Variants in ZNF517 observed in about 807,000 individuals in gnomAD.
The protein encoded by ZNF517 is zinc finger protein 517.
Under a neutral mutation model 12.1 loss-of-function variants are expected in ZNF517, and 12 were observed. That is an observed-to-expected ratio of 0.99 (90% CI 0.63 to 1.61). The LOEUF (loss-of-function observed/expected upper bound fraction) is 1.61, where lower values mean the gene tolerates loss of function less well. Ranked by LOEUF, ZNF517 falls within the 40% of genes most tolerant of loss-of-function variation. The pLI, the probability that ZNF517 is intolerant of heterozygous loss-of-function variation, is 0.00. For missense variants in ZNF517, 781 were observed against 693.2 expected (o/e 1.13, Z -1.42); for synonymous variants, 388 against 310.2 (o/e 1.25, Z -2.63).
At chr8:144,800,471 G>A (rs1235738279) in intron 1 of ZNF517, 2 of 984,430 alleles carry the variant, frequency 2.0e-6, no homozygotes, top group African/African-American at 3.5e-5. Context: ...GTCCTGGGTT[G>A]CAGTTCTTAC....
chr8:144,803,796 C>T (rs544678460), intron 3 of ZNF517, 29 bp downstream of exon 3: 3 of 1,607,018 alleles, frequency 1.9e-6, no homozygotes, highest in South Asian at 2.2e-5. Context: ...GGTCCTGGGG[C>T]CGGGAGGTGC....
At position 144,803,625 on chromosome 8, in the gene ZNF517, G is replaced by C. The variant is rs1348994582; in HGVS notation, c.34-16G>C. ...CGAGCCCTTGACTGCCTGGATAGCA[G>C]AGTATGTGGTTGCAGGAGGCGGTTG... On this transcript the variant is annotated splice_polypyrimidine_tract_variant and intron_variant, in intron 2 of 4. Transcript: ENST00000359971. 1 of 1,613,874 alleles carries C rather than the reference G, an allele frequency of 6.2e-7. No homozygotes were observed. Among genetic ancestry groups the C allele is most frequent in the Middle Eastern group, 1.6e-4 (1 of 6,062 alleles).
Position 144,807,926 on chromosome 8 carries a change from G to T in ZNF517, c.1010G>T (p.Arg337Leu). 6.6e-7 allele frequency: 1 copy of T among 1,512,892 alleles called. No individual in the cohort carries two copies. The allele number at this position is 1,512,892 out of a possible 1,614,324, so 93.7% of individuals were successfully genotyped here. A position where few individuals can be genotyped will look rare whatever the true frequency, so the allele number is the denominator to read the frequency against. Residue 337 changes from arginine to leucine, a missense_variant, in exon 5 of 5, where the codon CGG becomes CTG. Physicochemically the swap from Arg to Leu is moderately radical, Grantham distance 102 (BLOSUM62 -2). Coordinates refer to ENST00000359971, the MANE Select transcript of ZNF517 (RefSeq NM_213605.3). The stretch of plus-strand genomic sequence containing the variant: ...GGGTCCTCGCTCCTGAAGCACCACC[G>T]GCTGCACGCGCAGGAGGGTGCCCAG... ...IRGSSLLKHH[R>L]LHAQEGAQDG...
Position 144,808,009 on chromosome 8 carries a change from G to A in ZNF517, c.1093G>A (p.Asp365Asn). 1.3e-6 allele frequency: 2 copies of A among 1,574,306 alleles called. No individual in the cohort carries two copies. The highest frequency in any genetic ancestry group is 1.7e-6 in the Non-Finnish European group (2 of 1,160,456). ...AGCTGCGCAGAGGCCCCAGGCGGGG[G>A]ACCCGCCCCACGAGTGCCCGGTGTG... ...LGAAQRPQAG[D>N]PPHECPVCGR... The change falls in exon 5 of 5, where the codon GAC (aspartate) becomes AAC (asparagine). Residue 365 changes from aspartate to asparagine, a missense_variant. By Grantham distance (23) the Asp-to-Asn change is conservative. Transcript: ENST00000359971.
At chr8:144,801,950 T>C (rs767195605) in intron 1 of ZNF517, among the ~76,000 whole-genome samples, 116 of 152,236 alleles carry the variant, frequency 7.6e-4, no homozygotes, top group Non-Finnish European at 1.5e-3. Context: ...GGAGGATTGC[T>C]TGAGCCCAGG....
chr8:144,802,822 G>A, intron 1 of ZNF517, 48 bp from the exon 2 acceptor site: 1 of 1,605,390 alleles, frequency 6.2e-7, no homozygotes, highest in Non-Finnish European at 8.5e-7. Context: ...GGGGGCTGGA[G>A]GGCCTTAGGC....
intron 4 of ZNF517, among the ~76,000 whole-genome samples, chr8:144,805,868 C>T (rs1353183252): frequency 1.3e-5 from 2 of 152,090 alleles, no homozygotes; most frequent in South Asian, 2.1e-4. Context: ...GATCCGCCGC[C>T]TCGGCCTCCC....
chr8:144,803,902 C>T, intron 3 of ZNF517, 135 bp downstream of exon 3: 2 of 1,359,604 alleles, frequency 1.5e-6, no homozygotes, highest in South Asian at 1.4e-5. Flanking sequence ...GAGCCCCTCT[C>T]TGCTTCCTGT....
chr8:144,809,450 G>C lies in ZNF517; in HGVS notation c.*1055G>C, dbSNP rs993254747. On this transcript the variant is annotated 3_prime_UTR_variant, in exon 5 of 5. Coordinates refer to ENST00000359971, the MANE Select transcript of ZNF517 (RefSeq NM_213605.3). ...GGGCAGGCACATCCACTTGGTTGGG[G>C]ACCCAGATGGAACACAAAGGGAGAA... The C allele has an allele frequency of 2.0e-5, 3 of 152,238 alleles. No homozygotes were observed. The East Asian group carries it at 5.8e-4, about 30-fold the overall frequency. 9.4% of individuals were successfully genotyped at this position (152,238 alleles called of 1,614,324 possible).
chr8:144,800,434 A>T (rs1236198292), intron 1 of ZNF517: 6 of 959,196 alleles, frequency 6.3e-6, no homozygotes, highest in Non-Finnish European at 7.4e-6. Flanking sequence ...GCAGTAACTT[A>T]CCGCTCCTAG....
Position 144,807,948 on chromosome 8 carries a change from C to T in ZNF517, c.1032C>T (p.Ala344=). Residue 344 remains alanine, a synonymous_variant, in exon 5 of 5, where the codon GCC becomes GCT. Coordinates refer to ENST00000359971, the MANE Select transcript of ZNF517 (RefSeq NM_213605.3). ...ACCGGCTGCACGCGCAGGAGGGTGC[C>T]CAGGACGGCGGCGTGGGGCAGGGCG... is the stretch of plus-strand genomic sequence containing the variant. ...KHHRLHAQEG[A]QDGGVGQGAL... 1.3e-6 allele frequency: 2 copies of T among 1,507,296 alleles called. No homozygotes were observed. The highest frequency in any genetic ancestry group is 1.8e-6 in the Non-Finnish European group (2 of 1,131,038). 93.4% of individuals were successfully genotyped at this position (1,507,296 alleles called of 1,614,324 possible). A position where few individuals can be genotyped will look rare whatever the true frequency, so the allele number is the denominator to read the frequency against.
At chr8:144,801,495 G>A (rs1004210267) in intron 1 of ZNF517, among the ~76,000 whole-genome samples, 1 of 151,718 alleles carries the variant, frequency 6.6e-6, no homozygotes, top group Non-Finnish European at 1.5e-5. Flanking sequence ...ACAAGAGCGA[G>A]TTGTCGGAGT....
rs564018117 is a variant in ZNF517 at position 144,807,858 on chromosome 8, G to T, written c.942G>T (p.Glu314Asp). ...AGCACGGCCGCATCCACAGCGGGGA[G>T]CGGCCCTACCGGTGCCTGCGGTGTG... ...LNEHGRIHSG[E>D]RPYRCLRCGQ... The change falls in exon 5 of 5, where the codon GAG becomes GAT. Residue 314 changes from glutamate to aspartate, a missense_variant. Glu to Asp is a conservative substitution (Grantham distance 45). Coordinates refer to ENST00000359971, the MANE Select transcript of ZNF517 (RefSeq NM_213605.3). 3.8e-6 allele frequency: 6 copies of T among 1,588,358 alleles called. 1 individual carries two copies. In the South Asian group the frequency reaches 6.9e-5, roughly 18 times the overall value.
At chr8:144,801,475 C>T (rs747323554) in intron 1 of ZNF517, among the ~76,000 whole-genome samples, 15 of 152,014 alleles carry the variant, frequency 9.9e-5, no homozygotes, top group Non-Finnish European at 1.5e-4. Context: ...ATTGCACTCC[C>T]GCCTGGGCAA....
chr8:144,803,863 T>G, intron 3 of ZNF517, 96 bp downstream of exon 3: 2 of 1,510,262 alleles, frequency 1.3e-6, no homozygotes, highest in South Asian at 2.6e-5. Context: ...TCTGACACAT[T>G]TTTGAGGGGA....
chr8:144,810,029 G>C lies in ZNF517; in HGVS notation c.*1634G>C. 1 of 468,678 alleles carries C rather than the reference G, an allele frequency of 2.1e-6. No individual in the cohort carries two copies. The highest frequency in any genetic ancestry group is 3.9e-6 in the Non-Finnish European group (1 of 257,204). 29.0% of individuals were successfully genotyped at this position (468,678 alleles called of 1,614,324 possible). ...GATCGAGCCACTGCACTCCAGCCTG[G>C]GTGACAGGGCAAGACTCTGTCTCAA... On this transcript the variant is annotated 3_prime_UTR_variant, in exon 5 of 5. Coordinates refer to ENST00000359971, the MANE Select transcript of ZNF517 (RefSeq NM_213605.3).
intron 1 of ZNF517, chr8:144,800,749 C>G: frequency 1.0e-6 from 1 of 956,756 alleles, no homozygotes; most frequent in Non-Finnish European, 1.2e-6. Context: ...CCCCATCGCC[C>G]TTCGTACCCT....
chr8:144,799,202 A>G (rs1380467648), intron 1 of ZNF517, among the ~76,000 whole-genome samples: 1 of 151,696 alleles, frequency 6.6e-6, no homozygotes. Context: ...TTGCGCAGAG[A>G]TGAGGCTGCA....
At chr8:144,812,339 G>A (rs1827582882), downstream of ZNF517, among the ~76,000 whole-genome samples, 1 of 104,018 alleles carries the variant, frequency 9.6e-6, no homozygotes. Flanking sequence ...CTGCAGCCTG[G>A]AAGCAAAGGC....
Sources: gnomAD v4.1 joint callset for allele counts (sites outside exome capture counted in the v4.1 genomes callset) on GRCh38, gnomAD v4.1.1 for gene constraint, MANE v1.5 for transcripts, NCBI Gene and HGNC (gene_info 2026-07-23, HGNC 2026-07-21) for gene names.